PCDHGA9: variants seen among roughly 807,000 people sequenced by gnomAD.
PCDHGA9 encodes the protein protocadherin gamma-A9.
Under a neutral mutation model 62.5 loss-of-function variants are expected in PCDHGA9, and 37 were observed. The observed-to-expected ratio is 0.59, with a 90% CI of 0.46 to 0.78. The LOEUF (loss-of-function observed/expected upper bound fraction) is 0.78, where lower values mean the gene tolerates loss of function less well. Ranked by LOEUF, PCDHGA9 falls within the 30% of genes least tolerant of loss-of-function variation. The probability of loss-of-function intolerance (pLI) is 0.00; values close to 1 mark genes in which losing one functional copy is unlikely to be tolerated. For missense variants in PCDHGA9, 1,138 were observed against 1,166.2 expected (o/e 0.98, Z 0.35); for synonymous variants, 459 against 484.6 (o/e 0.95, Z 0.69).
intron 1 of PCDHGA9, chr5:141,478,359 G>A: frequency 6.2e-7 from 1 of 1,613,734 alleles, no homozygotes; most frequent in Non-Finnish European, 8.5e-7. Flanking sequence ...GACGCCGTGC[G>A]GGGAGGCCTG....
At chr5:141,468,346 A>AG (rs2099164784) in intron 1 of PCDHGA9, 33 of 147,324 alleles carry the variant, frequency 2.2e-4, no homozygotes, top group Middle Eastern at 6.9e-3. Flanking sequence ...AAAAAAAAAA[A>AG]AAAGAAAGAA....
chr5:141,428,186 C>CCGCTCTCTG, intron 1 of PCDHGA9: 2 of 1,460,956 alleles, frequency 1.4e-6, no homozygotes, highest in Non-Finnish European at 1.9e-6. Flanking sequence ...AGGACAGCCG[C>CCGCTCTCTG]CGCTCTCTGC....
intron 1 of PCDHGA9, among the ~76,000 whole-genome samples, chr5:141,468,186 A>G (rs2099159540): frequency 6.6e-6 from 1 of 151,848 alleles, no homozygotes; most frequent in African/African-American, 2.4e-5. Context: ...TTTGCTGGGC[A>G]TGGTGGCGGG....
intron 1 of PCDHGA9, chr5:141,415,403 A>C (rs757508926): frequency 4.3e-6 from 7 of 1,614,082 alleles, no homozygotes; most frequent in Non-Finnish European, 4.2e-6. Context: ...TCCGGCTCGC[A>C]CTTTGTGGGC....
intron 1 of PCDHGA9, chr5:141,417,091 A>G (rs1345871347): frequency 6.6e-6 from 1 of 152,194 alleles, no homozygotes; most frequent in Non-Finnish European, 1.5e-5. Flanking sequence ...TTTTGATTAT[A>G]ATTATTTAAA....
rs568314069 is a variant in PCDHGA9 at position 141,486,371 on chromosome 5, G to C, written c.2425-8436G>C. 53 of 1,614,138 alleles carry C rather than the reference G, an allele frequency of 3.3e-5. 2 individuals are homozygous for C. The South Asian group carries it at 5.3e-4, about 16-fold the overall frequency. Reference sequence around the variant, plus strand: ...CCACTTGCCATTTGCCCTCAAGTCTGCCTTCAGGAACCAGTTCTCCCTGGT... The same window carrying C: ...CCACTTGCCATTTGCCCTCAAGTCTCCCTTCAGGAACCAGTTCTCCCTGGT... On this transcript the variant is annotated intron_variant, in intron 1 of 3. Transcript: ENST00000573521. The surrounding 1 kb of genome is among the most constrained non-coding windows in gnomAD (Gnocchi z 5.0).
chr5:141,436,185 A>G (rs1324749623), intron 1 of PCDHGA9, among the ~76,000 whole-genome samples: 1 of 152,142 alleles, frequency 6.6e-6, no homozygotes, highest in Non-Finnish European at 1.5e-5. Flanking sequence ...ATATAGTCAA[A>G]TAGAAAGAAA....
Position 141,489,317 on chromosome 5 carries a change from G to T in PCDHGA9, c.2425-5490G>T. ...ATGTTGTCCTTGTGCTGCTGGGGCT[G>T]GGTGTCTGGGCAGCTTCGTTACTCA... is the stretch of plus-strand genomic sequence containing the variant. On this transcript the variant is annotated intron_variant, in intron 1 of 3. Coordinates refer to ENST00000573521, the MANE Select transcript of PCDHGA9 (RefSeq NM_018921.3). The surrounding 1 kb of genome is among the most constrained non-coding windows in gnomAD (Gnocchi z 4.5). 6.3e-7 allele frequency: 1 copy of T among 1,598,654 alleles called. No homozygotes were observed. The highest frequency in any genetic ancestry group is 8.5e-7 in the Non-Finnish European group (1 of 1,171,456).
intron 3 of PCDHGA9, among the ~76,000 whole-genome samples, chr5:141,507,805 G>C (rs2099863746): frequency 6.6e-6 from 1 of 152,204 alleles, no homozygotes; most frequent in Non-Finnish European, 1.5e-5. Flanking sequence ...TGCGCCCTGG[G>C]GAACGGACCC....
intron 1 of PCDHGA9, among the ~76,000 whole-genome samples, chr5:141,464,265 AAAAAAAAAAAAAGC>A (rs1446781862): frequency 7.4e-6 from 1 of 135,276 alleles, no homozygotes; most frequent in Non-Finnish European, 1.6e-5. Flanking sequence ...ACTCCGTCTA[AAAAAAAAAAAAAGC>A]AAAAAAAAAA....
chr5:141,447,538 T>C (rs954291961), intron 1 of PCDHGA9, among the ~76,000 whole-genome samples: 4 of 152,204 alleles, frequency 2.6e-5, no homozygotes, highest in Admixed American at 2.6e-4. Context: ...TTGTTGGGTT[T>C]TAATGTTATG....
In PCDHGA9 at chr5:141,405,129, G is replaced by A. The variant is rs755961534; in HGVS notation, c.2177G>A (p.Arg726Gln). ...LRHWHSSHLL[R>Q]ATSDGLAGVP... ...CACTGGCACTCCTCGCATCTGCTGC[G>A]GGCTACCAGTGATGGGTTGGCTGGT... Residue 726 changes from arginine (R) to glutamine (Q), a missense_variant, in exon 1 of 4, where the codon CGG becomes CAG. Transcript: ENST00000573521. The A allele has an allele frequency of 9.9e-6, 16 of 1,613,846 alleles. No homozygotes were observed. Among genetic ancestry groups the A allele is most frequent in the Middle Eastern group, 3.3e-4 (2 of 6,084 alleles).
chr5:141,433,358 CCTATCTAT>C lies in PCDHGA9; in HGVS notation c.2424+28023_2424+28030del, dbSNP rs3074541. On this transcript the variant is annotated intron_variant, in intron 1 of 3. Transcript: ENST00000573521. ...ACAGGTGCAAGCCACCTACTGTCTG[CCTATCTAT>C]CTATCTATCTATCTATCTATCTATC... is the stretch of plus-strand genomic sequence containing the variant. The C allele has an allele frequency of 7.0e-3, 3,504 of 501,060 alleles. 20 individuals carry two copies. The highest frequency in any genetic ancestry group is 7.9e-3 in the Non-Finnish European group (2,251 of 285,142). The allele number at this position is 501,060 out of a possible 1,614,324, so 31.0% of individuals were successfully genotyped here.
At chr5:141,423,711 T>C (rs1479409204) in intron 1 of PCDHGA9, 1 of 1,330,004 alleles carries the variant, frequency 7.5e-7, no homozygotes, top group Non-Finnish European at 9.6e-7. Flanking sequence ...GCACAAGTCT[T>C]TTAAGGAGAT....
chr5:141,422,655 C>T (rs188587553), intron 1 of PCDHGA9: 2 of 1,610,120 alleles, frequency 1.2e-6, no homozygotes, highest in Admixed American at 3.3e-5. Flanking sequence ...TCTCAGTGAC[C>T]GCCCTCGACC....
chr5:141,510,229 C>T (rs904367594), intron 3 of PCDHGA9, among the ~76,000 whole-genome samples: 3 of 150,486 alleles, frequency 2.0e-5, no homozygotes, highest in African/African-American at 7.4e-5. Context: ...GCCGGGATCG[C>T]GCCACTGCAC....
chr5:141,481,970 A>G (rs2099549884), intron 1 of PCDHGA9, among the ~76,000 whole-genome samples: 1 of 151,510 alleles, frequency 6.6e-6, no homozygotes, highest in Non-Finnish European at 1.5e-5. Flanking sequence ...CTGTAGTCAC[A>G]GCTACTTGGG....
intron 1 of PCDHGA9, among the ~76,000 whole-genome samples, chr5:141,449,339 G>T (rs1307731679): frequency 6.6e-6 from 1 of 151,930 alleles, no homozygotes; most frequent in Non-Finnish European, 1.5e-5. Context: ...AGGTGCAGTG[G>T]CTCACTCCTG....
In PCDHGA9 at chr5:141,418,047, C is replaced by G. The variant is rs968352679; in HGVS notation, c.2424+12671C>G. The G allele has an allele frequency of 6.2e-6, 10 of 1,613,894 alleles. No individual in the cohort carries two copies. The highest frequency in any genetic ancestry group is 1.6e-4 in the Middle Eastern group (1 of 6,076). ...GGGCTTAGTGTCCTGGATGTGTCGG[C>G]TCGCGAGCTGCGAGTGAGCGCGGAG... On this transcript the variant is annotated intron_variant, in intron 1 of 3. Transcript: ENST00000573521.
Sources: allele counts gnomAD v4.1 joint callset (sites outside exome capture counted in the v4.1 genomes callset), GRCh38; gene constraint gnomAD v4.1.1; non-coding constraint Gnocchi (gnomAD v3.1); transcripts MANE v1.5; gene names NCBI Gene and HGNC (gene_info 2026-07-23, HGNC 2026-07-21).